The following GUCY2C variants were observed in gnomAD, a reference collection of about 807,000 sequenced individuals.
GUCY2C encodes the protein guanylate cyclase 2C.
GUCY2C carries 118 observed loss-of-function variants against 131.1 expected under a neutral mutation model. The observed-to-expected ratio is 0.90, with a 90% confidence interval of 0.78 to 1.05. The LOEUF (loss-of-function observed/expected upper bound fraction) is 1.05. Ranked by LOEUF, GUCY2C falls within the 50% of genes least tolerant of loss-of-function variation. The probability of loss-of-function intolerance (pLI) is 0.00; values close to 1 mark genes in which losing one functional copy is unlikely to be tolerated. For missense variants in GUCY2C, 1,161 were observed against 1,304.4 expected (o/e 0.89, Z 1.69); for synonymous variants, 452 against 457.8 (o/e 0.99, Z 0.16).
At chr12:14,655,411 T>C (rs985703431) in intron 12 of GUCY2C, among the ~76,000 whole-genome samples, 4 of 152,116 alleles carry the variant, frequency 2.6e-5, no homozygotes, top group African/African-American at 7.2e-5. Flanking sequence ...GAGGGTCACA[T>C]TGGAGCATGT....
chr12:14,688,126 C>T (rs1187683937), intron 1 of GUCY2C, 63 bp from the exon 2 acceptor site: 5 of 1,004,660 alleles, frequency 5.0e-6, no homozygotes, highest in Non-Finnish European at 7.9e-6. Context: ...TTATATCAGC[C>T]ATGAGATTGA....
intron 1 of GUCY2C, among the ~76,000 whole-genome samples, chr12:14,691,624 A>G (rs1304196080): frequency 1.3e-5 from 2 of 152,140 alleles, no homozygotes; most frequent in African/African-American, 2.4e-5. Context: ...TCCTGCCTCT[A>G]TGAGGGCTTT....
intron 15 of GUCY2C, among the ~76,000 whole-genome samples, chr12:14,645,770 CTG>C (rs993797694): frequency 2.0e-5 from 3 of 150,304 alleles, no homozygotes; most frequent in African/African-American, 4.9e-5. Flanking sequence ...ACTAAGTCCT[CTG>C]TCAATAAGAG....
In GUCY2C at chr12:14,614,854, C is replaced by G. The variant is rs1268841975; in HGVS notation, c.3047+13G>C. The G allele has an allele frequency of 6.5e-7, 1 of 1,548,116 alleles. No homozygotes were observed. Among genetic ancestry groups the G allele is most frequent in the African/African-American group, 1.4e-5 (1 of 72,092 alleles). On this transcript the variant is annotated intron_variant, in intron 26 of 26. Coordinates refer to ENST00000261170, the MANE Select transcript of GUCY2C (RefSeq NM_004963.4). ...TAATTTCCTCCCTGTCCCTGCCACA[C>G]CCAGAAGCTTACACAGTAGGAGGGG...
rs147745948 is a variant in GUCY2C, at chr12:14,683,186, G to T, written c.467C>A (p.Thr156Asn). Residue 156 changes from threonine to asparagine, a missense_variant, in exon 4 of 27, where the codon ACC (threonine) becomes AAC (asparagine). Coordinates refer to ENST00000261170, the MANE Select transcript of GUCY2C (RefSeq NM_004963.4). ...AGCTGGAGACATCAGCCTGGTTAAG[G>T]TTTCTTTATAGTCACATGACAATCC... ...SFGLSCDYKE[T>N]LTRLMSPARK... is the part of the protein sequence containing the mutation. 6.2e-7 allele frequency: 1 copy of T among 1,613,596 alleles called. No individual in the cohort carries two copies. The highest frequency in any genetic ancestry group is 1.3e-5 in the African/African-American group (1 of 75,008).
In GUCY2C at chr12:14,660,982, T is replaced by C; in HGVS notation, c.1363A>G (p.Arg455Gly). 1 of 1,604,964 alleles carries C rather than the reference T, an allele frequency of 6.2e-7. No homozygotes were observed. Among genetic ancestry groups the C allele is most frequent in the Non-Finnish European group, 8.5e-7 (1 of 1,171,708 alleles). Reference protein sequence around the residue: ...LLLLVALLMLRKYRKDYELRQ... With the variant: ...LLLLVALLMLGKYRKDYELRQ... The stretch of plus-strand genomic sequence containing the variant: ...CAGGCATGATAGAGGCGGCTGTACC[T>C]GAGCATCAGGAGAGCGACGAGCAGG... Residue 455 changes from arginine to glycine, a missense_variant and splice_region_variant, in exon 11 of 27, where the codon AGA (arginine) becomes GGA (glycine). Transcript: ENST00000261170.
intron 7 of GUCY2C, among the ~76,000 whole-genome samples, chr12:14,676,448 CA>C (rs1948237263): frequency 6.6e-6 from 1 of 152,214 alleles, no homozygotes; most frequent in Non-Finnish European, 1.5e-5. Flanking sequence ...ATATCAGTGA[CA>C]GGAAAATTTT....
rs1416412630 is a variant in GUCY2C, at chr12:14,684,649, C to A, written c.396-1392G>T. 2.0e-4 allele frequency among the ~76,000 whole-genome samples: 27 copies of A among 136,636 alleles called. 1 individual carries two copies. The highest frequency in any genetic ancestry group is 3.5e-4 in the Non-Finnish European group (23 of 65,024). The allele number at this position is 136,636 out of a possible 152,430, so 89.6% of individuals were successfully genotyped here. On this transcript the variant is annotated intron_variant, in intron 3 of 26. Transcript: ENST00000261170. The stretch of plus-strand genomic sequence containing the variant: ...CCTTCCTTTCCTTTCCTTTCCTTTC[C>A]TTTCCTTTCCTTCCTTTTCTTTCTC...
intron 21 of GUCY2C, among the ~76,000 whole-genome samples, chr12:14,624,868 C>T (rs1305655082): frequency 6.6e-6 from 1 of 152,162 alleles, no homozygotes; most frequent in Non-Finnish European, 1.5e-5. Flanking sequence ...TGGTTAAAAC[C>T]ACCGCCAATG....
In GUCY2C at chr12:14,613,468, G is replaced by C. The variant is rs1232466818; in HGVS notation, c.3048-177C>G. 6.6e-6 allele frequency among the ~76,000 whole-genome samples: 1 copy of C among 152,080 alleles called. No homozygotes were observed. The highest frequency in any genetic ancestry group is 1.5e-5 in the Non-Finnish European group (1 of 68,010). ...CTGCCTTTGATGAGCTTAAAAAACT[G>C]TTATCTCTGCTAGGAAATTAGGCTT... On this transcript the variant is annotated intron_variant, in intron 26 of 26. Coordinates refer to ENST00000261170, the MANE Select transcript of GUCY2C (RefSeq NM_004963.4). The surrounding 1 kb of genome is among the most constrained non-coding windows in gnomAD (Gnocchi z 4.9).
At chr12:14,636,503 A>C (rs2137010017) in intron 19 of GUCY2C, among the ~76,000 whole-genome samples, 1 of 152,258 alleles carries the variant, frequency 6.6e-6, no homozygotes, top group Admixed American at 6.5e-5. Context: ...CAAAATAATA[A>C]AAGCCATATA....
intron 12 of GUCY2C, among the ~76,000 whole-genome samples, chr12:14,656,297 C>T (rs986677438): frequency 6.6e-6 from 1 of 152,206 alleles, no homozygotes; most frequent in African/African-American, 2.4e-5. Flanking sequence ...CACACCATAT[C>T]TCAGCCTCCA....
chr12:14,634,759 G>A (rs1394057496), intron 19 of GUCY2C, among the ~76,000 whole-genome samples: 1 of 152,074 alleles, frequency 6.6e-6, no homozygotes, highest in African/African-American at 2.4e-5. Context: ...GAAAGTAAAG[G>A]GATGGAAAGA....
At chr12:14,650,297 G>T (rs914685299) in intron 15 of GUCY2C, among the ~76,000 whole-genome samples, 18 of 152,076 alleles carry the variant, frequency 1.2e-4, no homozygotes, top group Non-Finnish European at 2.9e-5. Context: ...TGCCAGGTTG[G>T]AGTGCAGTGG....
intron 18 of GUCY2C, among the ~76,000 whole-genome samples, chr12:14,640,689 C>T (rs1413612470): frequency 6.6e-6 from 1 of 152,078 alleles, no homozygotes; most frequent in African/African-American, 2.4e-5. Flanking sequence ...GAAGCATTTT[C>T]CCTTGAGAGG....
chr12:14,676,756 T>C, intron 7 of GUCY2C, 98 bp downstream of exon 7: 1 of 324,546 alleles, frequency 3.1e-6, no homozygotes, highest in Non-Finnish European at 5.6e-6. Flanking sequence ...TAATTGCTCA[T>C]TTTAGAATTT....
intron 12 of GUCY2C, among the ~76,000 whole-genome samples, chr12:14,655,118 G>C (rs1040733769): frequency 7.2e-5 from 11 of 152,212 alleles, no homozygotes; most frequent in Non-Finnish European, 1.3e-4. Flanking sequence ...ATGCTGCAGA[G>C]TGGAGCTTTC....
chr12:14,674,395 C>T (rs1948181878), intron 8 of GUCY2C: 1 of 568,080 alleles, frequency 1.8e-6, no homozygotes, highest in African/African-American at 1.9e-5. Flanking sequence ...CCTGCGCTAC[C>T]TGCCCTTTTC....
rs1437619975 is a variant in GUCY2C at position 14,625,556 on chromosome 12, A to G, written c.2408+201T>C. ...CACCATGTTAGCCAGGATGGTCTTGATCTCCTGACCTCATGATCCACCTGC... is the reference window on the plus strand; with the variant it reads ...CACCATGTTAGCCAGGATGGTCTTGGTCTCCTGACCTCATGATCCACCTGC... On this transcript the variant is annotated intron_variant, in intron 21 of 26. Coordinates refer to ENST00000261170, the MANE Select transcript of GUCY2C (RefSeq NM_004963.4). Among the ~76,000 whole-genome samples the G allele has an allele frequency of 2.0e-5, 3 of 152,092 alleles. No homozygotes were observed. The East Asian group carries it at 5.8e-4, about 29-fold the overall frequency.
Sources: gnomAD v4.1 joint callset for allele counts (sites outside exome capture counted in the v4.1 genomes callset) on GRCh38, gnomAD v4.1.1 for gene constraint, Gnocchi (gnomAD v3.1) non-coding constraint, MANE v1.5 for transcripts, NCBI Gene and HGNC (gene_info 2026-07-23, HGNC 2026-07-21) for gene names.